Variants in FNDC3B observed in about 807,000 individuals in gnomAD.
FNDC3B encodes fibronectin type III domain-containing protein 3B.
FNDC3B carries 12 observed loss-of-function variants against 151.5 expected under a neutral mutation model. The ratio of observed to expected loss-of-function variants is 0.08; its 90% CI spans 0.05 to 0.13. FNDC3B has a LOEUF of 0.13. Among genes scored for constraint, FNDC3B ranks in the 10% least tolerant of loss-of-function variants. The pLI, the probability that FNDC3B is intolerant of heterozygous loss-of-function variation, is 1.00. For missense variants in FNDC3B, 1,214 were observed against 1,505.3 expected, an observed-to-expected ratio of 0.81 and a Z score of 3.20; for synonymous variants, 528 against 549.0, an observed-to-expected ratio of 0.96 and a Z score of 0.54.
intron 4 of FNDC3B, among the ~76,000 whole-genome samples, chr3:172,238,879 T>C (rs77022329): frequency 0.026 from 3,956 of 152,252 alleles, 177 homozygotes; most frequent in African/African-American, 0.09. Flanking sequence ...GATAAAATCA[T>C]GCTTATTTAA....
At chr3:172,284,968 C>T (rs568801592) in intron 6 of FNDC3B, among the ~76,000 whole-genome samples, 1 of 152,120 alleles carries the variant, frequency 6.6e-6, no homozygotes, top group East Asian at 1.9e-4. Context: ...GATCCTCTAA[C>T]AAGTTGCAGA....
chr3:172,149,061 T>C (rs748576582), intron 3 of FNDC3B, among the ~76,000 whole-genome samples: 3 of 152,192 alleles, frequency 2.0e-5, no homozygotes, highest in African/African-American at 4.8e-5. Context: ...TTAGGAGACA[T>C]AGGAAATGGC....
At chr3:172,276,778 G>A (rs1729453382) in intron 6 of FNDC3B, among the ~76,000 whole-genome samples, 1 of 152,164 alleles carries the variant, frequency 6.6e-6, no homozygotes. Flanking sequence ...TACAGATAGT[G>A]ATATATTCTA....
rs1379925771 is a variant in FNDC3B, at chr3:172,181,006, TG to T, written c.188-45863del. The stretch of plus-strand genomic sequence containing the variant: ...TTTACTTCTTAGACTTGAGAGAAGC[TG>T]GCTTTCTTAATAATCTCTAACTGAT... On this transcript the variant is annotated intron_variant, in intron 3 of 25. Coordinates refer to ENST00000415807, the MANE Select transcript of FNDC3B (RefSeq NM_022763.4). 2.0e-5 allele frequency among the ~76,000 whole-genome samples: 3 copies of T among 152,342 alleles called. No individual in the cohort carries two copies. In the East Asian group the frequency reaches 5.8e-4, roughly 29 times the overall value.
intron 22 of FNDC3B, among the ~76,000 whole-genome samples, chr3:172,361,625 T>C (rs968075256): frequency 6.6e-6 from 1 of 152,220 alleles, no homozygotes. Context: ...TCTAAGAAGT[T>C]CCAGACTTTC....
chr3:172,081,705 C>T (rs1486170652), intron 1 of FNDC3B, among the ~76,000 whole-genome samples: 2 of 152,144 alleles, frequency 1.3e-5, no homozygotes, highest in African/African-American at 4.8e-5. Context: ...TTGAATGGCT[C>T]TGTTGGTAAG....
intron 1 of FNDC3B, among the ~76,000 whole-genome samples, chr3:172,088,618 T>C (rs1718666018): frequency 6.6e-6 from 1 of 152,236 alleles, no homozygotes; most frequent in Non-Finnish European, 1.5e-5. Context: ...TAAACTGTAT[T>C]TTATAAGATG....
Position 172,353,009 on chromosome 3 carries a change from A to G in FNDC3B, c.2721A>G (p.Leu907=), listed in dbSNP as rs1160749287. ...AAATCCTTGCTTACACCATTGATCT[A>G]GGAGACACTAGCATTACCGTGGGCA... ...GSEILAYTID[L]GDTSITVGNT... Residue 907 remains leucine, a synonymous_variant, in exon 22 of 26, where the codon CTA becomes CTG. Transcript: ENST00000415807. 2 of 1,614,046 alleles carry G rather than the reference A, an allele frequency of 1.2e-6. No homozygotes were observed. Among genetic ancestry groups the G allele is most frequent in the Admixed American group, 1.7e-5 (1 of 60,002 alleles).
Position 172,341,003 on chromosome 3 carries a change from A to G in FNDC3B, c.1853-110A>G, listed in dbSNP as rs571111541. 7 of 749,026 alleles carry G rather than the reference A, an allele frequency of 9.3e-6. No homozygotes were observed. The African/African-American group carries it at 1.0e-4, about 11-fold the overall frequency. The allele number at this position is 749,026 out of a possible 1,614,324, so 46.4% of individuals were successfully genotyped here. ...GAGCTTTCTGGCTATTTAAAAAGAA[A>G]AAGAAGATGTTGGTTTTCATGAAAA... On this transcript the variant is annotated intron_variant, in intron 16 of 25. Coordinates refer to ENST00000415807, the MANE Select transcript of FNDC3B (RefSeq NM_022763.4).
chr3:172,244,868 C>T (rs1417303876), intron 4 of FNDC3B, among the ~76,000 whole-genome samples: 1 of 152,018 alleles, frequency 6.6e-6, no homozygotes, highest in African/African-American at 2.4e-5. Context: ...TCAGACAGTC[C>T]ACCTGCCTCG....
At chr3:172,189,702 T>C (rs1724401404) in intron 3 of FNDC3B, among the ~76,000 whole-genome samples, 1 of 150,626 alleles carries the variant, frequency 6.6e-6, no homozygotes, top group Admixed American at 6.7e-5. Flanking sequence ...TGGTCCCAGC[T>C]GCTCAAAAGG....
At chr3:172,052,307 G>A (rs1488710470) in intron 1 of FNDC3B, among the ~76,000 whole-genome samples, 3 of 151,796 alleles carry the variant, frequency 2.0e-5, no homozygotes, top group African/African-American at 7.2e-5. Flanking sequence ...GGAAGTCTTG[G>A]GCTCAAGCGA....
intron 3 of FNDC3B, among the ~76,000 whole-genome samples, chr3:172,200,106 C>T (rs982636369): frequency 1.3e-5 from 2 of 152,148 alleles, no homozygotes; most frequent in East Asian, 1.9e-4. Flanking sequence ...ACAGATGGAA[C>T]CCACCCTGGA....
Position 172,251,491 on chromosome 3 carries a change from C to G in FNDC3B, c.740C>G (p.Thr247Arg), listed in dbSNP as rs141090745. The G allele has an allele frequency of 1.2e-6, 2 of 1,614,058 alleles. No homozygotes were observed. Among genetic ancestry groups the G allele is most frequent in the Non-Finnish European group, 1.7e-6 (2 of 1,179,984 alleles). Residue 247 changes from threonine (T) to arginine (R), a missense_variant, in exon 6 of 26, where the codon ACA becomes AGA. Physicochemically the swap from Thr to Arg is moderately conservative, Grantham distance 71. Coordinates refer to ENST00000415807, the MANE Select transcript of FNDC3B (RefSeq NM_022763.4). ...GGTAGTGGTCCCGGAATTAAGAAAA[C>G]AGAGCGACGAGCAAGAAGCAGCCCA... ...GSGSGPGIKK[T>R]ERRARSSPKS... is the part of the protein sequence containing the mutation.
intron 6 of FNDC3B, among the ~76,000 whole-genome samples, chr3:172,273,204 C>G (rs1199558036): frequency 6.6e-6 from 1 of 152,124 alleles, no homozygotes; most frequent in Non-Finnish European, 1.5e-5. Context: ...TTTTACCTTT[C>G]GTTCAAAATG....
At chr3:172,310,337 T>G (rs193283893) in intron 10 of FNDC3B, among the ~76,000 whole-genome samples, 212 of 152,312 alleles carry the variant, frequency 1.4e-3, no homozygotes, top group African/African-American at 4.9e-3. Context: ...TCCCCATTTT[T>G]TAAAAAGAGG....
chr3:172,344,338 C>A, intron 19 of FNDC3B, 80 bp downstream of exon 19: 1 of 1,358,220 alleles, frequency 7.4e-7, no homozygotes, highest in South Asian at 1.5e-5. Flanking sequence ...TGTCTCTAGC[C>A]TCCTGAAATT....
At chr3:172,353,118 A>G in intron 22 of FNDC3B, 35 bp downstream of exon 22, 2 of 1,595,360 alleles carry the variant, frequency 1.3e-6, no homozygotes. Flanking sequence ...GCATCAGCAC[A>G]TCAGCACTTG....
intron 1 of FNDC3B, among the ~76,000 whole-genome samples, chr3:172,107,649 C>T (rs564375839): frequency 1.2e-3 from 189 of 152,190 alleles, no homozygotes; most frequent in African/African-American, 4.3e-3. Context: ...AGTTACAGTG[C>T]GGTTATCCAG....
Sources: gnomAD v4.1 joint callset for allele counts (sites outside exome capture counted in the v4.1 genomes callset) on GRCh38, gnomAD v4.1.1 for gene constraint, MANE v1.5 for transcripts, NCBI Gene and HGNC (gene_info 2026-07-23, HGNC 2026-07-21) for gene names.